Variants in SLC35F3 observed in about 807,000 individuals in gnomAD.
SLC35F3 encodes the protein putative thiamine transporter SLC35F3.
Under a neutral mutation model 49.9 loss-of-function variants are expected in SLC35F3, and 25 were observed. The observed-to-expected ratio is 0.50, with a 90% CI of 0.37 to 0.70. SLC35F3 has a LOEUF of 0.70. Among genes scored for constraint, SLC35F3 ranks in the 30% least tolerant of loss-of-function variants. The pLI, the probability that SLC35F3 is intolerant of heterozygous loss-of-function variation, is 0.00. For missense variants in SLC35F3, 525 were observed against 639.8 expected, an observed-to-expected ratio of 0.82 and a Z score of 1.94; for synonymous variants, 275 against 265.4, an observed-to-expected ratio of 1.04 and a Z score of -0.35.
intron 2 of SLC35F3, among the ~76,000 whole-genome samples, chr1:234,082,501 A>T (rs1031560936): frequency 1.3e-5 from 2 of 152,146 alleles, no homozygotes; most frequent in Non-Finnish European, 2.9e-5. Flanking sequence ...CTTGTCATTT[A>T]TGTAAAGACT....
intron 2 of SLC35F3, among the ~76,000 whole-genome samples, chr1:233,987,544 C>A (rs1030150446): frequency 1.4e-5 from 2 of 143,542 alleles, no homozygotes; most frequent in African/African-American, 5.8e-5. Context: ...TCTTTGGAAG[C>A]TTTTAGTATA....
intron 2 of SLC35F3, among the ~76,000 whole-genome samples, chr1:234,084,668 C>G (rs1664934425): frequency 6.6e-6 from 1 of 152,152 alleles, no homozygotes; most frequent in African/African-American, 2.4e-5. Context: ...CTCCTTTTAG[C>G]CCTCGCAACT....
intron 2 of SLC35F3, among the ~76,000 whole-genome samples, chr1:233,910,510 T>C (rs1443530888): frequency 6.6e-6 from 1 of 152,200 alleles, no homozygotes. Flanking sequence ...GAGAGAGAAG[T>C]GCTGGAAGAG....
chr1:233,982,646 A>G (rs1663204474), intron 2 of SLC35F3, among the ~76,000 whole-genome samples: 2 of 151,956 alleles, frequency 1.3e-5, no homozygotes. Flanking sequence ...AGTGCTGGGG[A>G]GAGTTCTTTA....
chr1:233,925,680 G>A (rs1000999942), intron 2 of SLC35F3, among the ~76,000 whole-genome samples: 98 of 152,190 alleles, frequency 6.4e-4, no homozygotes, highest in Non-Finnish European at 1.8e-4. Flanking sequence ...TCATTATGAT[G>A]TTAGCTGGTT....
At chr1:234,291,137 C>T (rs1330696970) in intron 3 of SLC35F3, among the ~76,000 whole-genome samples, 1 of 152,220 alleles carries the variant, frequency 6.6e-6, no homozygotes, top group Admixed American at 6.5e-5. Flanking sequence ...AAACCACCAA[C>T]CCCTCCCTGA....
At chr1:234,169,661 T>C (rs1325131733) in intron 2 of SLC35F3, among the ~76,000 whole-genome samples, 1 of 152,186 alleles carries the variant, frequency 6.6e-6, no homozygotes, top group Non-Finnish European at 1.5e-5. Flanking sequence ...AAGTCCAGGC[T>C]TAGAGGCTGC....
chr1:234,176,477 C>T (rs1337721092), intron 2 of SLC35F3, among the ~76,000 whole-genome samples: 1 of 152,160 alleles, frequency 6.6e-6, no homozygotes, highest in Non-Finnish European at 1.5e-5. Flanking sequence ...ACCCCAGAGC[C>T]CCCTCACCCA....
chr1:234,324,062 G>C lies in SLC35F3; in HGVS notation c.*819G>C, dbSNP rs1657697958. On this transcript the variant is annotated 3_prime_UTR_variant, in exon 8 of 8. Transcript: ENST00000366618. ...TATGTCTGTGTACAAAAAAATGACAGAGCTGATGGCCAGTGTATACAGAGC... is the reference window on the plus strand; with the variant it reads ...TATGTCTGTGTACAAAAAAATGACACAGCTGATGGCCAGTGTATACAGAGC... The C allele has an allele frequency of 6.6e-6, 1 of 152,258 alleles. No homozygotes were observed. Among genetic ancestry groups the C allele is most frequent in the Admixed American group, 6.5e-5 (1 of 15,284 alleles). 9.4% of individuals were successfully genotyped at this position (152,258 alleles called of 1,614,324 possible).
chr1:234,113,010 A>G (rs1265911758), intron 2 of SLC35F3, among the ~76,000 whole-genome samples: 1 of 151,844 alleles, frequency 6.6e-6, no homozygotes. Context: ...TTTGAGACCA[A>G]TGAGCCCAGG....
At chr1:234,143,288 C>CTTTTCTTTTCTTTTTT (rs1478216426) in intron 2 of SLC35F3, among the ~76,000 whole-genome samples, 1 of 123,564 alleles carries the variant, frequency 8.1e-6, no homozygotes, top group Non-Finnish European at 1.6e-5. Flanking sequence ...CTTTTCTTTT[C>CTTTTCTTTTCTTTTTT]TTTTTTTTTT....
intron 2 of SLC35F3, among the ~76,000 whole-genome samples, chr1:234,209,972 C>T (rs961103426): frequency 2.0e-5 from 3 of 152,156 alleles, no homozygotes; most frequent in African/African-American, 7.2e-5. Context: ...TATGGTTTGG[C>T]TGTGTCCCCA....
intron 2 of SLC35F3, among the ~76,000 whole-genome samples, chr1:234,131,500 T>C (rs1665736248): frequency 6.6e-6 from 1 of 152,028 alleles, no homozygotes; most frequent in African/African-American, 2.4e-5. Flanking sequence ...AACATCCTTA[T>C]AGAGTATTTA....
At chr1:234,059,949 C>T (rs368749104) in intron 2 of SLC35F3, among the ~76,000 whole-genome samples, 1 of 152,164 alleles carries the variant, frequency 6.6e-6, no homozygotes, top group South Asian at 2.1e-4. Flanking sequence ...GTCTGCCTTC[C>T]CCAGCCCACT....
At chr1:233,963,707 C>T (rs2102813039) in intron 2 of SLC35F3, among the ~76,000 whole-genome samples, 1 of 152,324 alleles carries the variant, frequency 6.6e-6, no homozygotes, top group Non-Finnish European at 1.5e-5. Context: ...AGCCTGCATG[C>T]TCTTCAGCCT....
In SLC35F3 at chr1:234,066,923, T is replaced by G. The variant is rs572021132; in HGVS notation, c.283+161165T>G. On this transcript the variant is annotated intron_variant, in intron 2 of 7. Coordinates refer to ENST00000366618, the MANE Select transcript of SLC35F3 (RefSeq NM_173508.4). ...TTGCAAGCTGTTTTTGTACCCACTT[T>G]CTGCAGTTCATTAGGGAATACATAA... Among the ~76,000 whole-genome samples the G allele has an allele frequency of 2.0e-5, 3 of 152,032 alleles. No homozygotes were observed. The South Asian group carries it at 6.3e-4, about 32-fold the overall frequency.
intron 3 of SLC35F3, among the ~76,000 whole-genome samples, chr1:234,269,373 A>C (rs536803006): frequency 2.0e-4 from 31 of 152,288 alleles, no homozygotes; most frequent in African/African-American, 7.5e-4. Flanking sequence ...AACAGAATAG[A>C]TCAACCAGGT....
chr1:234,214,322 A>C lies in SLC35F3; in HGVS notation c.284-17095A>C. The C allele has an allele frequency of 2.3e-6, 3 of 1,308,550 alleles. No homozygotes were observed. The highest frequency in any genetic ancestry group is 2.9e-6 in the Non-Finnish European group (3 of 1,032,110). The allele number at this position is 1,308,550 out of a possible 1,614,324, so 81.1% of individuals were successfully genotyped here. ...CTGCAGGGCGGCCGCCGCAGTGAGC[A>C]ACGCGGCAACCGGAGCCCGGCGGGC... is the stretch of plus-strand genomic sequence containing the variant. On this transcript the variant is annotated intron_variant, in intron 2 of 7. Coordinates refer to ENST00000366618, the MANE Select transcript of SLC35F3 (RefSeq NM_173508.4). This position sits in a 1 kb window ranked among gnomAD's most constrained non-coding sequence, Gnocchi z 8.0.
intron 2 of SLC35F3, among the ~76,000 whole-genome samples, chr1:233,921,272 GA>G (rs1662053613): frequency 6.6e-6 from 1 of 152,166 alleles, no homozygotes; most frequent in African/African-American, 2.4e-5. Flanking sequence ...AAATTGAGCA[GA>G]AAGTACAGAG....
Sources: gnomAD v4.1 joint callset for allele counts (sites outside exome capture counted in the v4.1 genomes callset) on GRCh38, gnomAD v4.1.1 for gene constraint, Gnocchi (gnomAD v3.1) non-coding constraint, MANE v1.5 for transcripts, NCBI Gene and HGNC (gene_info 2026-07-23, HGNC 2026-07-21) for gene names.